The following CHST11 variants were observed in gnomAD, a reference collection of about 807,000 sequenced individuals.
CHST11 encodes C4S-1.
A neutral mutation model predicts 30.4 loss-of-function variants in CHST11; 9 were observed. The ratio of observed to expected loss-of-function variants is 0.30; its 90% confidence interval spans 0.18 to 0.52. The LOEUF (loss-of-function observed/expected upper bound fraction) is 0.52, where lower values mean the gene tolerates loss of function less well. CHST11 is among the 20% of genes least tolerant of loss of function. The pLI is 0.97. For missense variants in CHST11, 348 were observed against 460.6 expected, an observed-to-expected ratio of 0.76 and a Z score of 2.24; for synonymous variants, 152 against 187.8, an observed-to-expected ratio of 0.81 and a Z score of 1.56.
chr12:104,656,866 G>A (rs1310896883), intron 2 of CHST11, among the ~76,000 whole-genome samples: 1 of 152,184 alleles, frequency 6.6e-6, no homozygotes, highest in Non-Finnish European at 1.5e-5. Context: ...CCATCTAGGT[G>A]TTAAGGCTAC....
At chr12:104,718,837 C>T (rs972249224) in intron 2 of CHST11, among the ~76,000 whole-genome samples, 9 of 152,222 alleles carry the variant, frequency 5.9e-5, no homozygotes, top group South Asian at 2.1e-4. Flanking sequence ...AGAGTGGAGT[C>T]GACACAGTCC....
At chr12:104,751,321 T>C (rs1200504274) in intron 2 of CHST11, among the ~76,000 whole-genome samples, 1 of 152,228 alleles carries the variant, frequency 6.6e-6, no homozygotes, top group Non-Finnish European at 1.5e-5. Flanking sequence ...GAATTGTCCT[T>C]AGTGATTCAA....
chr12:104,658,854 C>T (rs534645173), intron 2 of CHST11, among the ~76,000 whole-genome samples: 19 of 152,316 alleles, frequency 1.2e-4, no homozygotes, highest in African/African-American at 4.3e-4. Context: ...GCTCTATTGC[C>T]GTTCTCATTG....
chr12:104,679,021 C>T (rs754552004), intron 2 of CHST11, among the ~76,000 whole-genome samples: 1 of 152,156 alleles, frequency 6.6e-6, no homozygotes, highest in East Asian at 1.9e-4. Flanking sequence ...AAAACCAGCT[C>T]GTAAGAGGGC....
chr12:104,538,174 A>C (rs2038255720), intron 1 of CHST11, among the ~76,000 whole-genome samples: 1 of 152,218 alleles, frequency 6.6e-6, no homozygotes, highest in Middle Eastern at 3.2e-3. Flanking sequence ...CTTCATAGGC[A>C]TGTGGCTGTG....
intron 2 of CHST11, among the ~76,000 whole-genome samples, chr12:104,702,478 G>A (rs774015816): frequency 2.0e-5 from 3 of 151,922 alleles, no homozygotes; most frequent in Non-Finnish European, 4.4e-5. Context: ...TCAACTGATG[G>A]GACATGGGAG....
At position 104,698,357 on chromosome 12, in the gene CHST11, C is replaced by T. The variant is rs1013649916; in HGVS notation, c.205-58592C>T. On this transcript the variant is annotated intron_variant, in intron 2 of 2. Coordinates refer to ENST00000303694, the MANE Select transcript of CHST11 (RefSeq NM_018413.6). ...CCTCTGCCAATGTTCCCTGTCTCTA[C>T]TTGTGAAACACTTTCCTGTCACCTA... is the stretch of plus-strand genomic sequence containing the variant. Among the ~76,000 whole-genome samples the T allele has an allele frequency of 2.0e-5, 3 of 152,194 alleles. No individual in the cohort carries two copies. The East Asian group carries it at 5.8e-4, about 29-fold the overall frequency.
At chr12:104,608,349 C>T (rs2039026619) in intron 2 of CHST11, among the ~76,000 whole-genome samples, 1 of 152,118 alleles carries the variant, frequency 6.6e-6, no homozygotes, top group East Asian at 1.9e-4. Flanking sequence ...TCCTCCTGTG[C>T]AAATAACTCC....
At chr12:104,610,075 GTGTGTGTGTGTGTGTGTGTGTC>G (rs1428494992) in intron 2 of CHST11, among the ~76,000 whole-genome samples, 26 of 108,828 alleles carry the variant, frequency 2.4e-4, no homozygotes, top group African/African-American at 8.7e-4. Context: ...GTGTGTGTGT[GTGTGTGTGTGTGTGTGTGTGTC>G]TGTGGTATGT....
chr12:104,519,689 GT>G (rs1219139493), intron 1 of CHST11, among the ~76,000 whole-genome samples: 1 of 152,152 alleles, frequency 6.6e-6, no homozygotes, highest in Non-Finnish European at 1.5e-5. Context: ...ATAATTACTG[GT>G]TGAGGCTTGA....
chr12:104,639,895 C>G (rs2039359086), intron 2 of CHST11, among the ~76,000 whole-genome samples: 1 of 152,110 alleles, frequency 6.6e-6, no homozygotes, highest in African/African-American at 2.4e-5. Flanking sequence ...AGAGAACAAA[C>G]AGCCCAGTTA....
At chr12:104,697,153 A>G (rs1259126935) in intron 2 of CHST11, among the ~76,000 whole-genome samples, 1 of 152,216 alleles carries the variant, frequency 6.6e-6, no homozygotes, top group Non-Finnish European at 1.5e-5. Flanking sequence ...GACACCCGCC[A>G]GCAGTGGATG....
At chr12:104,637,236 T>C (rs1397693754) in intron 2 of CHST11, among the ~76,000 whole-genome samples, 1 of 141,520 alleles carries the variant, frequency 7.1e-6, no homozygotes, top group Non-Finnish European at 1.5e-5. Flanking sequence ...GCCTGGAAGT[T>C]GAGGCTGCAG....
At chr12:104,544,913 C>T (rs1026822516) in intron 1 of CHST11, among the ~76,000 whole-genome samples, 5 of 151,926 alleles carry the variant, frequency 3.3e-5, no homozygotes, top group South Asian at 4.2e-4. Flanking sequence ...TATGTCGTTT[C>T]GAAGTATGCC....
chr12:104,619,957 T>C (rs1472106427), intron 2 of CHST11, among the ~76,000 whole-genome samples: 2 of 152,188 alleles, frequency 1.3e-5, no homozygotes, highest in Admixed American at 6.5e-5. Flanking sequence ...CCTTAGCCAA[T>C]AGGTGAGCCC....
intron 2 of CHST11, among the ~76,000 whole-genome samples, chr12:104,607,796 A>G (rs917863651): frequency 1.4e-4 from 21 of 152,064 alleles, no homozygotes; most frequent in African/African-American, 4.8e-4. Context: ...GTCATTTCCA[A>G]TCCATCTGGT....
At chr12:104,740,623 G>C (rs2040338388) in intron 2 of CHST11, among the ~76,000 whole-genome samples, 1 of 152,192 alleles carries the variant, frequency 6.6e-6, no homozygotes, top group Non-Finnish European at 1.5e-5. Flanking sequence ...AAGGTATTTT[G>C]TAACTCTGAA....
At chr12:104,599,158 T>C (rs1477642746) in intron 1 of CHST11, among the ~76,000 whole-genome samples, 2 of 152,200 alleles carry the variant, frequency 1.3e-5, no homozygotes, top group African/African-American at 4.8e-5. Context: ...TTAGCTTTTG[T>C]GGTCTGGGGA....
chr12:104,553,077 C>G (rs1156673606), intron 1 of CHST11: 1 of 152,224 alleles, frequency 6.6e-6, no homozygotes, highest in African/African-American at 2.4e-5. Context: ...GCTTGTGCCT[C>G]AGTTTTCTCA....
Sources: allele counts gnomAD v4.1 joint callset (sites outside exome capture counted in the v4.1 genomes callset), GRCh38; gene constraint gnomAD v4.1.1; transcripts MANE v1.5; gene names NCBI Gene and HGNC (gene_info 2026-07-23, HGNC 2026-07-21).